CPE: variants seen among roughly 807,000 people sequenced by gnomAD.
The protein encoded by CPE is carboxypeptidase E.
Under a neutral mutation model 53.5 loss-of-function variants are expected in CPE, and 17 were observed. The observed-to-expected ratio is 0.32, with a 90% confidence interval of 0.22 to 0.48. The LOEUF (loss-of-function observed/expected upper bound fraction) is 0.48. Ranked by LOEUF, CPE falls within the 20% of genes least tolerant of loss-of-function variation. CPE has a pLI of 0.99. For synonymous variants in CPE, 226 were observed against 228.8 expected (o/e 0.99, Z 0.11); for missense variants, 524 against 614.7 (o/e 0.85, Z 1.56).
In CPE at chr4:165,456,379, T is replaced by A. The variant is rs191341891; in HGVS notation, c.308-8011T>A. Among the ~76,000 whole-genome samples the A allele has an allele frequency of 2.3e-3, 353 of 152,264 alleles. 3 individuals carry two copies. Among genetic ancestry groups the A allele is most frequent in the Admixed American group, 7.8e-3 (119 of 15,294 alleles). The stretch of plus-strand genomic sequence containing the variant: ...CTAAGTTGAATTCATAATGATGCAG[T>A]GCTTTGGAAAACAGCTCTGTATTAA... On this transcript the variant is annotated intron_variant, in intron 1 of 8. Transcript: ENST00000402744.
intron 1 of CPE, among the ~76,000 whole-genome samples, chr4:165,459,864 G>A (rs1183958773): frequency 3.4e-5 from 5 of 145,344 alleles, no homozygotes; most frequent in South Asian, 2.2e-4. Context: ...GCAGTGAGCC[G>A]AGATTGTGCC....
chr4:165,417,008 T>C (rs983099994), intron 1 of CPE, among the ~76,000 whole-genome samples: 5 of 152,158 alleles, frequency 3.3e-5, no homozygotes, highest in African/African-American at 9.7e-5. Flanking sequence ...CTTGCAGGAC[T>C]GGAGTTAGGT....
chr4:165,401,921 G>T (rs62352308), intron 1 of CPE, among the ~76,000 whole-genome samples: 7 of 152,176 alleles, frequency 4.6e-5, no homozygotes, highest in African/African-American at 7.2e-5. Flanking sequence ...GGGAGGCTGG[G>T]CAAAAGGCTG....
At position 165,402,402 on chromosome 4, in the gene CPE, T is replaced by A. The variant is rs527461970; in HGVS notation, c.307+22874T>A. On this transcript the variant is annotated intron_variant, in intron 1 of 8. Coordinates refer to ENST00000402744, the MANE Select transcript of CPE (RefSeq NM_001873.4). Reference sequence around the variant, plus strand: ...GATTCTGGCCGGTTACATGACACCATGTGATACAGTTTGGATATCTGTCCC... The same window carrying A: ...GATTCTGGCCGGTTACATGACACCAAGTGATACAGTTTGGATATCTGTCCC... Among the ~76,000 whole-genome samples the A allele has an allele frequency of 2.6e-5, 4 of 152,346 alleles. No individual in the cohort carries two copies. In the South Asian group the frequency reaches 8.3e-4, roughly 32 times the overall value.
chr4:165,403,113 A>G (rs2126662556), intron 1 of CPE, among the ~76,000 whole-genome samples: 1 of 152,314 alleles, frequency 6.6e-6, no homozygotes, highest in African/African-American at 2.4e-5. Context: ...GGAATCAACT[A>G]GAAATTAACG....
chr4:165,445,924 TTATAA>T (rs139583564), intron 1 of CPE, among the ~76,000 whole-genome samples: 2,688 of 152,196 alleles, frequency 0.018, 39 homozygotes, highest in South Asian at 0.049. Flanking sequence ...AAAGCAGCTA[TTATAA>T]TAGAATAAAG....
chr4:165,456,572 CTCTT>C (rs1358248584), intron 1 of CPE, among the ~76,000 whole-genome samples: 1 of 151,462 alleles, frequency 6.6e-6, no homozygotes, highest in Non-Finnish European at 1.5e-5. Context: ...CTCTCTCTCT[CTCTT>C]TCTTTGTTTC....
intron 1 of CPE, among the ~76,000 whole-genome samples, chr4:165,388,673 A>G (rs1730635836): frequency 6.6e-6 from 1 of 152,198 alleles, no homozygotes; most frequent in Non-Finnish European, 1.5e-5. Context: ...AGGCTTCTCT[A>G]TCTTATTCTT....
chr4:165,399,726 A>C (rs1277130128), intron 1 of CPE, among the ~76,000 whole-genome samples: 1 of 152,178 alleles, frequency 6.6e-6, no homozygotes, highest in Non-Finnish European at 1.5e-5. Context: ...AGACACATGC[A>C]TATGTTATGA....
At chr4:165,461,531 C>A (rs547646883) in intron 1 of CPE, among the ~76,000 whole-genome samples, 33 of 152,158 alleles carry the variant, frequency 2.2e-4, no homozygotes, top group African/African-American at 8.0e-4. Context: ...AAAGCTTTGG[C>A]CTTGGGAGGG....
intron 1 of CPE, among the ~76,000 whole-genome samples, chr4:165,391,328 G>T (rs1362037746): frequency 6.6e-6 from 1 of 151,982 alleles, no homozygotes; most frequent in African/African-American, 2.4e-5. Flanking sequence ...GCATTCATGG[G>T]CTCCATAAAG....
chr4:165,401,995 G>T (rs1730875830), intron 1 of CPE, among the ~76,000 whole-genome samples: 1 of 152,114 alleles, frequency 6.6e-6, no homozygotes, highest in Non-Finnish European at 1.5e-5. Context: ...GGAATGAAGA[G>T]GAAAGGATAA....
chr4:165,490,629 CAAA>C (rs36034365), intron 6 of CPE, among the ~76,000 whole-genome samples: 2 of 41,008 alleles, frequency 4.9e-5, no homozygotes, highest in Non-Finnish European at 1.0e-4. Flanking sequence ...GACTCCGTCT[CAAA>C]AAAAAAAAAA....
intron 1 of CPE, among the ~76,000 whole-genome samples, chr4:165,462,751 A>T (rs1265962602): frequency 6.6e-6 from 1 of 152,110 alleles, no homozygotes; most frequent in Non-Finnish European, 1.5e-5. Context: ...CTCTCCCTCA[A>T]AGTAAAAACT....
In CPE at chr4:165,408,264, G is replaced by A. The variant is rs180847064; in HGVS notation, c.307+28736G>A. On this transcript the variant is annotated intron_variant, in intron 1 of 8. Transcript: ENST00000402744. Reference sequence around the variant, plus strand: ...TAAGGTCACAAAGATTTACACCTACGTTTTCTTCTAAGAGTGTTATAGCTT... The same window carrying A: ...TAAGGTCACAAAGATTTACACCTACATTTTCTTCTAAGAGTGTTATAGCTT... Among the ~76,000 whole-genome samples the A allele has an allele frequency of 6.6e-5, 10 of 152,196 alleles. No individual in the cohort carries two copies. In the East Asian group the frequency reaches 1.7e-3, roughly 26 times the overall value.
At chr4:165,389,167 ATAC>A (rs1435666044) in intron 1 of CPE, among the ~76,000 whole-genome samples, 2 of 152,230 alleles carry the variant, frequency 1.3e-5, no homozygotes, top group Admixed American at 6.5e-5. Flanking sequence ...ATAATGAATG[ATAC>A]TATGTAGCTA....
chr4:165,464,617 C>T (rs1422072263), intron 2 of CPE, 31 bp downstream of exon 2: 2 of 1,537,554 alleles, frequency 1.3e-6, no homozygotes, highest in South Asian at 2.5e-5. Flanking sequence ...ATCAGGCGTG[C>T]TTTCTTCATT....
intron 1 of CPE, among the ~76,000 whole-genome samples, chr4:165,380,913 T>C (rs1319862163): frequency 6.6e-6 from 1 of 152,240 alleles, no homozygotes; most frequent in Non-Finnish European, 1.5e-5. Flanking sequence ...AGTTTCATAC[T>C]GTTATCTGAA....
At chr4:165,467,933 G>A (rs189226554) in intron 3 of CPE, 78 bp downstream of exon 3, 103 of 1,470,072 alleles carry the variant, frequency 7.0e-5, no homozygotes, top group South Asian at 6.9e-4. Flanking sequence ...TCATCATGAA[G>A]GACAGAGGAG....
Sources: gnomAD v4.1 joint callset for allele counts (sites outside exome capture counted in the v4.1 genomes callset) on GRCh38, gnomAD v4.1.1 for gene constraint, MANE v1.5 for transcripts, NCBI Gene and HGNC (gene_info 2026-07-23, HGNC 2026-07-21) for gene names.